Variants in PLEKHA8 observed in about 807,000 individuals in gnomAD.
PLEKHA8 encodes pleckstrin homology domain containing A8.
A neutral mutation model predicts 68.2 loss-of-function variants in PLEKHA8; 36 were observed. The observed-to-expected ratio is 0.53, with a 90% CI of 0.40 to 0.70. The LOEUF (loss-of-function observed/expected upper bound fraction) is 0.70. PLEKHA8 is among the 30% of genes least tolerant of loss of function. The pLI is 0.00. For missense variants in PLEKHA8, 505 were observed against 615.4 expected, an observed-to-expected ratio of 0.82 and a Z score of 1.90; for synonymous variants, 211 against 216.1, an observed-to-expected ratio of 0.98 and a Z score of 0.20.
intron 7 of PLEKHA8, among the ~76,000 whole-genome samples, chr7:30,054,344 A>T (rs1345665286): frequency 6.6e-6 from 1 of 152,218 alleles, no homozygotes; most frequent in African/African-American, 2.4e-5. Context: ...ATTCACAAAT[A>T]CATATAGAAT....
intron 13 of PLEKHA8, among the ~76,000 whole-genome samples, chr7:30,101,956 T>C (rs1466715469): frequency 1.3e-5 from 2 of 152,114 alleles, no homozygotes; most frequent in Non-Finnish European, 2.9e-5. Flanking sequence ...ATTAAAAAAC[T>C]TTTGTGCATC....
chr7:30,092,421 C>T (rs1245767669), downstream of PLEKHA8, among the ~76,000 whole-genome samples: 1 of 151,968 alleles, frequency 6.6e-6, no homozygotes, highest in Non-Finnish European at 1.5e-5. Flanking sequence ...TGTCACGGCA[C>T]CTTCAAGTAG....
At chr7:30,056,319 T>TCC (rs1562869992) in intron 9 of PLEKHA8, among the ~76,000 whole-genome samples, 1 of 140,066 alleles carries the variant, frequency 7.1e-6, no homozygotes, top group Non-Finnish European at 1.5e-5. Context: ...TCTCTATATA[T>TCC]ATATATATAT....
At chr7:30,056,312 C>CTCTCTCTATATATA (rs796845171) in intron 9 of PLEKHA8, among the ~76,000 whole-genome samples, 151 of 94,538 alleles carry the variant, frequency 1.6e-3, no homozygotes, top group African/African-American at 2.1e-3. Context: ...CTCTCTCTCT[C>CTCTCTCTATATATA]TATATATATA....
Position 30,081,182 on chromosome 7 carries a change from G to T in PLEKHA8, c.*2395G>T. The T allele has an allele frequency of 1.0e-6, 1 of 985,408 alleles. No individual in the cohort carries two copies. The highest frequency in any genetic ancestry group is 1.2e-6 in the Non-Finnish European group (1 of 829,922). 61.0% of individuals were successfully genotyped at this position (985,408 alleles called of 1,614,324 possible). On this transcript the variant is annotated 3_prime_UTR_variant, in exon 14 of 14. Transcript: ENST00000449726. ...CTGAGATCATTGAGAACCCAGATCA[G>T]ACAGAATAGCTTGAATAAGTTACAT...
At chr7:30,051,755 C>A (rs1287564850) in intron 6 of PLEKHA8, among the ~76,000 whole-genome samples, 1 of 152,154 alleles carries the variant, frequency 6.6e-6, no homozygotes, top group African/African-American at 2.4e-5. Flanking sequence ...GGGTGGATCA[C>A]CTGAGGTCAG....
intron 13 of PLEKHA8, among the ~76,000 whole-genome samples, chr7:30,109,385 G>A (rs970081479): frequency 4.6e-5 from 7 of 151,832 alleles, no homozygotes; most frequent in African/African-American, 1.5e-4. Context: ...TCAGGAGTTC[G>A]CGACTAGCCT....
intron 13 of PLEKHA8, among the ~76,000 whole-genome samples, chr7:30,124,039 A>G (rs976417208): frequency 8.5e-5 from 13 of 152,242 alleles, no homozygotes; most frequent in Non-Finnish European, 1.6e-4. Context: ...TATTTTGGTT[A>G]AAATGTATTT....
rs564198682 is a variant in PLEKHA8, at chr7:30,111,845, G to A, written c.1363-17421G>A. Among the ~76,000 whole-genome samples the A allele has an allele frequency of 2.9e-3, 442 of 152,228 alleles. 2 individuals are homozygous for A. Among genetic ancestry groups the A allele is most frequent in the African/African-American group, 0.01 (432 of 41,528 alleles). The stretch of plus-strand genomic sequence containing the variant: ...CCTTGTAGTTAAGCAACACATGACT[G>A]TGTATAAGTATATATATTTTTTAAA... On this transcript the variant is annotated intron_variant, in intron 13 of 13. Coordinates refer to the PLEKHA8 transcript ENST00000396257.
At chr7:30,115,813 CATGTAT>C (rs1796462649) in intron 13 of PLEKHA8, 1 of 136,408 alleles carries the variant, frequency 7.3e-6, no homozygotes, top group Admixed American at 7.2e-5. Flanking sequence ...TACACGCATG[CATGTAT>C]ACATGCGTGC....
downstream of PLEKHA8, among the ~76,000 whole-genome samples, chr7:30,091,796 T>C (rs897928206): frequency 2.6e-5 from 4 of 152,244 alleles, no homozygotes; most frequent in Non-Finnish European, 4.4e-5. Context: ...ATTTCTTTCT[T>C]TGTGCTTCTG....
chr7:30,044,331 G>T (rs1791783527), intron 1 of PLEKHA8, among the ~76,000 whole-genome samples: 1 of 152,078 alleles, frequency 6.6e-6, no homozygotes, highest in Admixed American at 6.6e-5. Flanking sequence ...AAGAGATCCA[G>T]TTGGAGCAAA....
downstream of PLEKHA8, among the ~76,000 whole-genome samples, chr7:30,095,063 A>G (rs1308597404): frequency 6.6e-6 from 1 of 152,170 alleles, no homozygotes; most frequent in African/African-American, 2.4e-5. Context: ...GCTGGGTCAA[A>G]TGGTATTTCT....
chr7:30,116,806 T>TAACG (rs758033723), intron 13 of PLEKHA8, among the ~76,000 whole-genome samples: 18 of 152,208 alleles, frequency 1.2e-4, no homozygotes, highest in Non-Finnish European at 2.2e-4. Flanking sequence ...ATGTCTGAAG[T>TAACG]CGTTCCCCAA....
intron 13 of PLEKHA8, among the ~76,000 whole-genome samples, chr7:30,125,229 C>T (rs774263544): frequency 2.8e-4 from 42 of 152,134 alleles, no homozygotes; most frequent in Non-Finnish European, 4.3e-4. Context: ...AGAGAAGGTA[C>T]TTAGTCTTCC....
intron 13 of PLEKHA8, among the ~76,000 whole-genome samples, chr7:30,076,195 ATC>A (rs1794600117): frequency 6.6e-6 from 1 of 152,110 alleles, no homozygotes; most frequent in Non-Finnish European, 1.5e-5. Flanking sequence ...ACTGAATAGA[ATC>A]TATCATTATC....
chr7:30,037,875 G>T (rs1418286085), intron 1 of PLEKHA8, among the ~76,000 whole-genome samples: 1 of 151,796 alleles, frequency 6.6e-6, no homozygotes, highest in Non-Finnish European at 1.5e-5. Context: ...GTCATTTGCT[G>T]TACAGATCAT....
intron 13 of PLEKHA8, among the ~76,000 whole-genome samples, chr7:30,124,955 A>C (rs1287074239): frequency 2.0e-5 from 3 of 152,070 alleles, no homozygotes; most frequent in Admixed American, 6.5e-5. Flanking sequence ...AAAAAAAATC[A>C]GAATTTTTTT....
intron 13 of PLEKHA8, among the ~76,000 whole-genome samples, chr7:30,122,126 C>T (rs1379017433): frequency 6.6e-6 from 1 of 152,202 alleles, no homozygotes; most frequent in African/African-American, 2.4e-5. Context: ...ATCAGATGGC[C>T]TTTCTTCTAA....
Sources: gnomAD v4.1 joint callset for allele counts (sites outside exome capture counted in the v4.1 genomes callset) on GRCh38, gnomAD v4.1.1 for gene constraint, MANE v1.5 for transcripts, NCBI Gene and HGNC (gene_info 2026-07-23, HGNC 2026-07-21) for gene names.